The following OXSR1 variants were observed in gnomAD, a reference collection of about 807,000 sequenced individuals.
OXSR1 encodes serine/threonine-protein kinase OSR1.
OXSR1 carries 24 observed loss-of-function variants against 79.8 expected under a neutral mutation model. The observed-to-expected ratio is 0.30, with a 90% CI of 0.22 to 0.42. The LOEUF (loss-of-function observed/expected upper bound fraction) is 0.42. OXSR1 is among the 10% of genes least tolerant of loss of function. The probability of loss-of-function intolerance (pLI) is 1.00; values close to 1 mark genes in which losing one functional copy is unlikely to be tolerated. For missense variants in OXSR1, 430 were observed against 618.4 expected (o/e 0.70, Z 3.23); for synonymous variants, 226 against 209.2 (o/e 1.08, Z -0.69).
intron 11 of OXSR1, 100 bp downstream of exon 11, chr3:38,237,061 C>A: frequency 1.9e-6 from 2 of 1,062,016 alleles, no homozygotes; most frequent in Non-Finnish European, 2.7e-6. Flanking sequence ...ACAGGATTTT[C>A]TTGAACAGCT....
At chr3:38,185,832 C>G (rs2125810932) in intron 2 of OXSR1, among the ~76,000 whole-genome samples, 1 of 150,542 alleles carries the variant, frequency 6.6e-6, no homozygotes. Context: ...GTTATTGCAG[C>G]TACTTGGGAG....
At chr3:38,164,714 C>CG (rs1377793859), upstream of OXSR1, among the ~76,000 whole-genome samples, 20 of 152,202 alleles carry the variant, frequency 1.3e-4, no homozygotes, top group Admixed American at 9.2e-4. Context: ...AAGCCCTGTC[C>CG]GGGGGGAAGA....
intron 8 of OXSR1, among the ~76,000 whole-genome samples, chr3:38,226,615 A>G (rs1462323112): frequency 6.6e-6 from 1 of 152,122 alleles, no homozygotes; most frequent in African/African-American, 2.4e-5. Context: ...ATATGGTGCA[A>G]TGAGAAGGGC....
At chr3:38,185,584 T>C (rs901207995) in intron 2 of OXSR1, among the ~76,000 whole-genome samples, 22 of 151,856 alleles carry the variant, frequency 1.4e-4, no homozygotes, top group African/African-American at 5.3e-4. Context: ...AGACTCTGTC[T>C]CAAAAAACAA....
intron 4 of OXSR1, among the ~76,000 whole-genome samples, chr3:38,206,736 A>G (rs1428268399): frequency 2.6e-5 from 4 of 152,322 alleles, no homozygotes; most frequent in Admixed American, 1.3e-4. Flanking sequence ...CTAAAATTCT[A>G]TTGAGTTAGC....
At chr3:38,227,406 A>G (rs76639137) in intron 8 of OXSR1, among the ~76,000 whole-genome samples, 1,772 of 152,246 alleles carry the variant, frequency 0.012, 37 homozygotes, top group African/African-American at 0.041. Context: ...ACTAGAGTTA[A>G]CCTGTTTTAA....
At chr3:38,251,031 T>TG (rs1703245912) in intron 15 of OXSR1, among the ~76,000 whole-genome samples, 1 of 152,208 alleles carries the variant, frequency 6.6e-6, no homozygotes, top group Admixed American at 6.5e-5. Flanking sequence ...GCAAAAAACT[T>TG]GGAGTATGAT....
intron 1 of OXSR1, among the ~76,000 whole-genome samples, chr3:38,173,880 G>A (rs1266065568): frequency 1.3e-5 from 2 of 152,212 alleles, no homozygotes; most frequent in African/African-American, 4.8e-5. Flanking sequence ...AGGGAAAGGG[G>A]TTAGGGACTG....
At chr3:38,183,772 A>G (rs868312404) in intron 2 of OXSR1, among the ~76,000 whole-genome samples, 1 of 152,234 alleles carries the variant, frequency 6.6e-6, no homozygotes, top group Non-Finnish European at 1.5e-5. Context: ...GTTCTGTGAC[A>G]TTAAAATGTA....
chr3:38,189,095 A>G (rs1437441032), intron 2 of OXSR1, among the ~76,000 whole-genome samples: 1 of 152,204 alleles, frequency 6.6e-6, no homozygotes, highest in Middle Eastern at 3.2e-3. Context: ...TGAAAATCAT[A>G]TGTACCTATC....
intron 14 of OXSR1, among the ~76,000 whole-genome samples, chr3:38,248,373 A>G (rs1231092960): frequency 7.3e-6 from 1 of 136,572 alleles, no homozygotes; most frequent in Non-Finnish European, 1.5e-5. Context: ...GCTGGATTCA[A>G]ATTCCAGAGC....
chr3:38,190,213 G>GA (rs1464699862), intron 2 of OXSR1, among the ~76,000 whole-genome samples: 2 of 152,106 alleles, frequency 1.3e-5, no homozygotes, highest in African/African-American at 4.8e-5. Flanking sequence ...AGTAAGCTTA[G>GA]ATTTTTGGCT....
At chr3:38,213,330 A>AAAG (rs1421300973) in intron 4 of OXSR1, among the ~76,000 whole-genome samples, 3 of 152,176 alleles carry the variant, frequency 2.0e-5, no homozygotes, top group Non-Finnish European at 4.4e-5. Flanking sequence ...ACCATGAAAA[A>AAAG]AACATTGTAT....
intron 5 of OXSR1, among the ~76,000 whole-genome samples, chr3:38,221,238 G>T (rs1022679398): frequency 6.6e-6 from 1 of 151,932 alleles, no homozygotes; most frequent in Non-Finnish European, 1.5e-5. Flanking sequence ...GATGATATGT[G>T]GGGGTGGAGA....
chr3:38,224,409 C>T (rs1288280290), intron 7 of OXSR1, among the ~76,000 whole-genome samples, 162 bp from the exon 8 acceptor site: 6 of 152,098 alleles, frequency 3.9e-5, no homozygotes, highest in African/African-American at 9.7e-5. Flanking sequence ...GTGAAATACA[C>T]GTAATAACTC....
chr3:38,190,052 G>A (rs1701953629), intron 2 of OXSR1, among the ~76,000 whole-genome samples: 5 of 152,180 alleles, frequency 3.3e-5, no homozygotes, highest in Admixed American at 3.3e-4. Context: ...AGTTAGCTAA[G>A]CAGAGATGAT....
intron 4 of OXSR1, among the ~76,000 whole-genome samples, chr3:38,208,991 C>T (rs1006574325): frequency 8.0e-5 from 12 of 150,502 alleles, no homozygotes; most frequent in African/African-American, 2.2e-4. Flanking sequence ...TGTGTGCGCG[C>T]GCGCGTGCGC....
intron 4 of OXSR1, among the ~76,000 whole-genome samples, chr3:38,205,194 T>C (rs1042616630): frequency 1.6e-4 from 25 of 152,206 alleles, no homozygotes; most frequent in African/African-American, 6.0e-4. Context: ...AGACTGTCTT[T>C]CCTATCACCA....
chr3:38,186,080 A>G (rs17784085), intron 2 of OXSR1, among the ~76,000 whole-genome samples: 3,213 of 152,138 alleles, frequency 0.021, 57 homozygotes, highest in Non-Finnish European at 0.033. Flanking sequence ...TAGACTTTAA[A>G]CAGGCATAGA....
Sources: allele counts gnomAD v4.1 joint callset (sites outside exome capture counted in the v4.1 genomes callset), GRCh38; gene constraint gnomAD v4.1.1; transcripts MANE v1.5; gene names NCBI Gene and HGNC (gene_info 2026-07-23, HGNC 2026-07-21).